ZNF671: variants seen among roughly 807,000 people sequenced by gnomAD.
The protein encoded by ZNF671 is zinc finger protein 671.
ZNF671 carries 19 observed loss-of-function variants against 16.6 expected under a neutral mutation model. The ratio of observed to expected loss-of-function variants is 1.14; its 90% confidence interval spans 0.80 to 1.68. ZNF671 has a LOEUF of 1.68. ZNF671 is among the 40% of genes most tolerant of loss of function. The pLI is 0.00. For missense variants in ZNF671, 637 were observed against 659.8 expected (o/e 0.97, Z 0.38); for synonymous variants, 238 against 236.3 (o/e 1.01, Z -0.06).
intron 2 of ZNF671, 101 bp from the exon 3 acceptor site, chr19:57,722,539 A>G: frequency 6.5e-7 from 1 of 1,547,710 alleles, no homozygotes; most frequent in Middle Eastern, 1.7e-4. Context: ...GGAGTTGTGC[A>G]GGAATAACCC....
At chr19:57,721,795 T>C in intron 3 of ZNF671, 98 bp from the exon 4 acceptor site, 3 of 1,476,450 alleles carry the variant, frequency 2.0e-6, no homozygotes, top group Non-Finnish European at 2.7e-6. Context: ...AATAAGTTCA[T>C]GAAACTGTTT....
chr19:57,721,752 C>G, intron 3 of ZNF671, 55 bp from the exon 4 acceptor site: 2 of 1,570,532 alleles, frequency 1.3e-6, no homozygotes, highest in Middle Eastern at 1.7e-4. Context: ...GAAGGGGCAA[C>G]CTCATTGTAT....
chr19:57,722,146 G>T, intron 3 of ZNF671, 170 bp downstream of exon 3: 2 of 1,106,212 alleles, frequency 1.8e-6, no homozygotes, highest in Non-Finnish European at 2.5e-6. Flanking sequence ...GGTGAGGGTG[G>T]CAAGGGGCTA....
intron 1 of ZNF671, among the ~76,000 whole-genome samples, chr19:57,723,725 C>T (rs181082994): frequency 6.1e-4 from 93 of 152,012 alleles, no homozygotes; most frequent in African/African-American, 2.1e-3. Flanking sequence ...CAGCTTCCCC[C>T]CCACCCTACT....
In ZNF671 at chr19:57,723,314, A is replaced by G. The variant is rs775126371; in HGVS notation, c.165T>C (p.Phe55=). 37 of 1,613,272 alleles carry G rather than the reference A, an allele frequency of 2.3e-5. No homozygotes were observed. The highest frequency in any genetic ancestry group is 2.7e-5 in the Non-Finnish European group (32 of 1,179,520). ...CCCATTCTTCCCGAGAGAAGTATAC[A>G]AACACATCCTCAAAGACCACACAGC... ...ARGCVVFEDV[F]VYFSREEWEL... is the part of the protein sequence containing the mutation. Residue 55 remains phenylalanine (F), a synonymous_variant, in exon 2 of 4, where the codon TTT becomes TTC. Coordinates refer to ENST00000317398, the MANE Select transcript of ZNF671 (RefSeq NM_024833.3).
rs146513351 is a variant in ZNF671, at chr19:57,720,762, C to T, written c.1324G>A (p.Val442Ile). 40 of 1,614,188 alleles carry T rather than the reference C, an allele frequency of 2.5e-5. No homozygotes were observed. In the South Asian group the frequency reaches 3.8e-4, roughly 16 times the overall value. Residue 442 changes from valine to isoleucine, a missense_variant, in exon 4 of 4, where the codon GTA (valine) becomes ATA (isoleucine). Coordinates refer to ENST00000317398, the MANE Select transcript of ZNF671 (RefSeq NM_024833.3). ...KAFSQSSHLNVHWRIHSSDYE... is the reference protein window; with the variant it reads ...KAFSQSSHLNIHWRIHSSDYE... ...TCACTGCTGTGAATTCTCCAGTGTA[C>T]ATTAAGGTGGGAGCTTTGGCTAAAG...
chr19:57,725,386 C>T (rs1986009575), intron 1 of ZNF671, among the ~76,000 whole-genome samples: 1 of 152,106 alleles, frequency 6.6e-6, no homozygotes, highest in East Asian at 1.9e-4. Flanking sequence ...ATTGCTTGAA[C>T]CCAGAAGGCA....
chr19:57,723,866 TAAAAAAA>T (rs11310575), intron 1 of ZNF671, among the ~76,000 whole-genome samples: 5 of 127,006 alleles, frequency 3.9e-5, no homozygotes, highest in African/African-American at 1.5e-4. Context: ...CCGTCTCTAC[TAAAAAAA>T]AAAAAAAAAA....
chr19:57,719,850 C>T lies in ZNF671; in HGVS notation c.*631G>A, dbSNP rs1985788135. The T allele has an allele frequency of 6.5e-6, 1 of 153,246 alleles. No individual in the cohort carries two copies. The highest frequency in any genetic ancestry group is 1.5e-5 in the Non-Finnish European group (1 of 68,840). The allele number at this position is 153,246 out of a possible 1,614,324, so 9.5% of individuals were successfully genotyped here. ...TATTGGATATATCCATAACGAGCAT[C>T]ATATGAAATCAATCAACACAGGTAA... On this transcript the variant is annotated 3_prime_UTR_variant, in exon 4 of 4. Coordinates refer to ENST00000317398, the MANE Select transcript of ZNF671 (RefSeq NM_024833.3).
chr19:57,721,710 C>A lies in ZNF671; in HGVS notation c.389-13G>T. The A allele has an allele frequency of 3.1e-6, 5 of 1,604,918 alleles. No homozygotes were observed. The highest frequency in any genetic ancestry group is 4.3e-6 in the Non-Finnish European group (5 of 1,173,510). On this transcript the variant is annotated splice_polypyrimidine_tract_variant and intron_variant, in intron 3 of 3. Coordinates refer to ENST00000317398, the MANE Select transcript of ZNF671 (RefSeq NM_024833.3). ...CCATGCCAACAACCTGAAGAACACA[C>A]AAATGCTGATTAAATGCATATTTAC...
chr19:57,724,096 A>G (rs1284662074), intron 1 of ZNF671, among the ~76,000 whole-genome samples: 1 of 151,302 alleles, frequency 6.6e-6, no homozygotes, highest in Non-Finnish European at 1.5e-5. Context: ...CTTGCTCCAA[A>G]CCATCAATGG....
Position 57,722,367 on chromosome 19 carries a change from C to T in ZNF671, c.337G>A (p.Val113Met). ...RGEEPWVYDQ[V>M]DMTSATEREA... ...CTTTCTGTGGCTGAAGTCATATCCA[C>T]CTGGTCATACACCCAGGGCTCTTCT... is the stretch of plus-strand genomic sequence containing the variant. Residue 113 changes from valine to methionine, a missense_variant, in exon 3 of 4, where the codon GTG becomes ATG. Transcript: ENST00000317398. The T allele has an allele frequency of 6.2e-7, 1 of 1,614,132 alleles. No individual in the cohort carries two copies. Among genetic ancestry groups the T allele is most frequent in the Non-Finnish European group, 8.5e-7 (1 of 1,180,032 alleles).
rs991997874 is a variant in ZNF671 at position 57,721,579 on chromosome 19, A to C, written c.507T>G (p.Cys169Trp). 3 of 1,614,058 alleles carry C rather than the reference A, an allele frequency of 1.9e-6. No homozygotes were observed. The East Asian group carries it at 6.7e-5, about 36-fold the overall frequency. Residue 169 changes from cysteine (C) to tryptophan (W), a missense_variant, in exon 4 of 4, where the codon TGT becomes TGG. Cys to Trp is a radical substitution (Grantham distance 215). Coordinates refer to ENST00000317398, the MANE Select transcript of ZNF671 (RefSeq NM_024833.3). ...AELESHPCDICGPILKDTLHL... is the reference protein window; with the variant it reads ...AELESHPCDIWGPILKDTLHL... Reference sequence around the variant, plus strand: ...GTAAGGTATCTTTCAATATTGGGCCACATATGTCACATGGGTGAGACTCCA... The same window carrying C: ...GTAAGGTATCTTTCAATATTGGGCCCCATATGTCACATGGGTGAGACTCCA...
chr19:57,720,610 G>A lies in ZNF671; in HGVS notation c.1476C>T (p.Pro492=). The A allele has an allele frequency of 6.2e-7, 1 of 1,614,166 alleles. No individual in the cohort carries two copies. Among genetic ancestry groups the A allele is most frequent in the Non-Finnish European group, 8.5e-7 (1 of 1,180,032 alleles). The change falls in exon 4 of 4, where the codon CCC becomes CCT. Residue 492 remains proline (P), a synonymous_variant. Transcript: ENST00000317398. ...SKCGKAFTQR[P]NLIRHWKVHT... ...GGACTTTCCAGTGCCTGATGAGGTT[G>A]GGTCTTTGAGTGAAGGCTTTCCCGC...
In ZNF671 at chr19:57,721,666, T is replaced by G; in HGVS notation, c.420A>C (p.Val140=). 2 of 1,613,938 alleles carry G rather than the reference T, an allele frequency of 1.2e-6. No homozygotes were observed. The highest frequency in any genetic ancestry group is 1.7e-6 in the Non-Finnish European group (2 of 1,179,828). Residue 140 remains valine (V), a synonymous_variant, in exon 4 of 4, where the codon GTA becomes GTC. Transcript: ENST00000317398. ...CTACAAAAATGCTCTGCTCAGAAGA[T>G]ACCTCTTCATCCTCCACTCCATGCC... ...GCWHGVEDEE[V]SSEQSIFVAG...
rs530580055 is a variant in ZNF671, at chr19:57,726,931, A to G, written c.138+460T>C. On this transcript the variant is annotated intron_variant, in intron 1 of 3. Coordinates refer to ENST00000317398, the MANE Select transcript of ZNF671 (RefSeq NM_024833.3). ...ACCTGCCATTACTCTTGGTACATCC[A>G]CCACCAAAGCATTCCTGGAATCCAC... The G allele has an allele frequency of 1.9e-5, 3 of 157,278 alleles. No individual in the cohort carries two copies. In the South Asian group the frequency reaches 5.8e-4, roughly 31 times the overall value. 9.7% of individuals were successfully genotyped at this position (157,278 alleles called of 1,614,324 possible).
chr19:57,722,215 G>GT, intron 3 of ZNF671, 101 bp downstream of exon 3: 2 of 1,529,402 alleles, frequency 1.3e-6, no homozygotes, highest in South Asian at 2.5e-5. Flanking sequence ...TAGAAACGCT[G>GT]TGTGGCCACT....
In ZNF671 at chr19:57,721,472, G is replaced by C; in HGVS notation, c.614C>G (p.Thr205Arg). 6.2e-7 allele frequency: 1 copy of C among 1,614,224 alleles called. No individual in the cohort carries two copies. The change falls in exon 4 of 4, where the codon ACA becomes AGA. Residue 205 changes from threonine (T) to arginine (R), a missense_variant. Transcript: ENST00000317398. The stretch of plus-strand genomic sequence containing the variant: ...CTGGTTCTGGTGCTGGTCAAAGTCT[G>C]TACTGAACCAGAATTGCTTTCCACA... ...GACGKQFWFSTDFDQHQNQPN... is the reference protein window; with the variant it reads ...GACGKQFWFSRDFDQHQNQPN...
At chr19:57,727,289 C>T in intron 1 of ZNF671, 102 bp downstream of exon 1, 1 of 1,441,216 alleles carries the variant, frequency 6.9e-7, no homozygotes, top group Non-Finnish European at 9.2e-7. Context: ...TAGGACCCCG[C>T]CCCAAGAGTG....
Sources: gnomAD v4.1 joint callset for allele counts (sites outside exome capture counted in the v4.1 genomes callset) on GRCh38, gnomAD v4.1.1 for gene constraint, MANE v1.5 for transcripts, NCBI Gene and HGNC (gene_info 2026-07-23, HGNC 2026-07-21) for gene names.